The following VWA5B1 variants were observed in gnomAD, a reference collection of about 807,000 sequenced individuals.
VWA5B1 encodes von Willebrand factor A domain containing 5B1, also known as von Willebrand factor A domain-containing protein 5B1.
VWA5B1 carries 115 observed loss-of-function variants against 118.2 expected under a neutral mutation model. That is an observed-to-expected ratio of 0.97 (90% CI 0.84 to 1.14). The LOEUF (loss-of-function observed/expected upper bound fraction) is 1.14, where lower values mean the gene tolerates loss of function less well. Among genes scored for constraint, VWA5B1 ranks in the 50% most tolerant of loss-of-function variants. The pLI is 0.00. For synonymous variants in VWA5B1, 682 were observed against 658.4 expected (o/e 1.04, Z -0.55); for missense variants, 1,596 against 1,603.8 (o/e 1.00, Z 0.08).
At chr1:20,341,114 T>G (rs887736863) in intron 14 of VWA5B1, among the ~76,000 whole-genome samples, 6 of 152,236 alleles carry the variant, frequency 3.9e-5, no homozygotes, top group African/African-American at 1.4e-4. Context: ...CACTTTGGCA[T>G]GAAGAAAGAT....
intron 9 of VWA5B1, among the ~76,000 whole-genome samples, chr1:20,328,840 G>A (rs2089463392): frequency 6.6e-6 from 1 of 152,114 alleles, no homozygotes; most frequent in African/African-American, 2.4e-5. Context: ...AAAATCTCCT[G>A]TGATTATGTC....
At position 20,310,714 on chromosome 1, in the gene VWA5B1, G is replaced by A. The variant is rs1312769878; in HGVS notation, c.113G>A (p.Gly38Asp). Residue 38 changes from glycine (G) to aspartate (D), a missense_variant, in exon 2 of 22, where the codon GGC becomes GAC. Gly to Asp is a moderately conservative substitution (Grantham distance 94). Coordinates refer to ENST00000289815, the MANE Select transcript of VWA5B1 (RefSeq NM_001039500.3). ...GGCCTAACTGCCTCCCTCACCTATGGCAACCTGGAAGCCCAGCCCTTCCAG... is the reference window on the plus strand; with the variant it reads ...GGCCTAACTGCCTCCCTCACCTATGACAACCTGGAAGCCCAGCCCTTCCAG... ...ALGLTASLTY[G>D]NLEAQPFQGL... The A allele has an allele frequency of 1.9e-6, 3 of 1,549,848 alleles. No individual in the cohort carries two copies. The highest frequency in any genetic ancestry group is 1.7e-6 in the Non-Finnish European group (2 of 1,146,384).
In VWA5B1 at chr1:20,356,065, A is replaced by G. The variant is rs983219018; in HGVS notation, c.*1802A>G. On this transcript the variant is annotated 3_prime_UTR_variant, in exon 22 of 22. Coordinates refer to ENST00000289815, the MANE Select transcript of VWA5B1 (RefSeq NM_001039500.3). ...TTGGGTTGTCTTGCTCCAGGCTTCC[A>G]GGAGATGTGAGCGGAGCTTTGTCAT... 1.3e-5 allele frequency among the ~76,000 whole-genome samples: 2 copies of G among 152,230 alleles called. No homozygotes were observed. The highest frequency in any genetic ancestry group is 2.9e-5 in the Non-Finnish European group (2 of 68,042).
Position 20,314,450 on chromosome 1 carries a change from G to A in VWA5B1, c.421G>A (p.Val141Ile). 2.6e-6 allele frequency: 4 copies of A among 1,551,836 alleles called. No individual in the cohort carries two copies. The South Asian group carries it at 4.8e-5, about 18-fold the overall frequency. ...NLGTIAPMEN[V>I]TIFISTSSEL... Reference sequence around the variant, plus strand: ...GGGGACCATTGCCCCCATGGAGAATGTCACCATCTTCATCAGCACCTCCTC... The same window carrying A: ...GGGGACCATTGCCCCCATGGAGAATATCACCATCTTCATCAGCACCTCCTC... The change falls in exon 4 of 22, where the codon GTC becomes ATC. Residue 141 changes from valine to isoleucine, a missense_variant. By Grantham distance (29) the Val-to-Ile change is conservative. Coordinates refer to ENST00000289815, the MANE Select transcript of VWA5B1 (RefSeq NM_001039500.3).
In VWA5B1 at chr1:20,324,336, C is replaced by T. The variant is rs188503117; in HGVS notation, c.1143+804C>T. On this transcript the variant is annotated intron_variant, in intron 8 of 21. Coordinates refer to ENST00000289815, the MANE Select transcript of VWA5B1 (RefSeq NM_001039500.3). ...GGGTGGAAGCAATGGTGATAGAATCCTCCCCCCTCACAATCCAGATGCATT... is the reference window on the plus strand; with the variant it reads ...GGGTGGAAGCAATGGTGATAGAATCTTCCCCCCTCACAATCCAGATGCATT... Among the ~76,000 whole-genome samples, 622 of 152,252 alleles carry T rather than the reference C, an allele frequency of 4.1e-3. 5 individuals are homozygous for T. The highest frequency in any genetic ancestry group is 6.6e-3 in the Non-Finnish European group (447 of 68,006).
At chr1:20,302,489 C>T (rs945950268) in intron 1 of VWA5B1, among the ~76,000 whole-genome samples, 25 of 152,214 alleles carry the variant, frequency 1.6e-4, no homozygotes, top group Admixed American at 8.5e-4. Context: ...GAGACAGAGT[C>T]TCCTGCCTCA....
intron 7 of VWA5B1, among the ~76,000 whole-genome samples, chr1:20,321,861 G>A (rs893483364): frequency 5.9e-5 from 9 of 152,148 alleles, no homozygotes; most frequent in Non-Finnish European, 1.3e-4. Flanking sequence ...GGGTAGAGAG[G>A]AGGTGGACAG....
rs1050454222 is a variant in VWA5B1 at position 20,318,812 on chromosome 1, C to T, written c.841+91C>T. 1.1e-5 allele frequency: 16 copies of T among 1,406,100 alleles called. No homozygotes were observed. The East Asian group carries it at 2.9e-4, about 26-fold the overall frequency. The allele number at this position is 1,406,100 out of a possible 1,614,324, so 87.1% of individuals were successfully genotyped here. On this transcript the variant is annotated intron_variant, in intron 6 of 21. Transcript: ENST00000289815. ...ACAGAACATGTGGCCCCCCGCCCAGCAGCTAGCTAGCCAGGGAAAGAGTCG... is the reference window on the plus strand; with the variant it reads ...ACAGAACATGTGGCCCCCCGCCCAGTAGCTAGCTAGCCAGGGAAAGAGTCG...
At chr1:20,342,404 C>CT in intron 14 of VWA5B1, 28 bp from the exon 15 acceptor site, 1 of 1,547,462 alleles carries the variant, frequency 6.5e-7, no homozygotes, top group Non-Finnish European at 8.7e-7. Context: ...TCCTCCTCCT[C>CT]TTTCTCTTTC....
chr1:20,302,625 G>GT (rs1192751459), intron 1 of VWA5B1, among the ~76,000 whole-genome samples: 1 of 152,192 alleles, frequency 6.6e-6, no homozygotes, highest in Non-Finnish European at 1.5e-5. Context: ...CACAGAGCAG[G>GT]TCCTCCATAT....
At position 20,343,883 on chromosome 1, in the gene VWA5B1, C is replaced by T. The variant is rs539763066; in HGVS notation, c.2626+490C>T. 9.0e-5 allele frequency among the ~76,000 whole-genome samples: 10 copies of T among 111,670 alleles called. No homozygotes were observed. In the East Asian group the frequency reaches 2.6e-3, roughly 28 times the overall value. The allele number at this position is 111,670 out of a possible 152,430, so 73.3% of individuals were successfully genotyped here. A position where few individuals can be genotyped will look rare whatever the true frequency, so the allele number is the denominator to read the frequency against. On this transcript the variant is annotated intron_variant, in intron 16 of 21. Coordinates refer to ENST00000289815, the MANE Select transcript of VWA5B1 (RefSeq NM_001039500.3). ...CTCTCCGGCCTCCAGGCTCCGCCCC[C>T]TCCCCATTCTGCTCAGTGCCTGGGC... is the stretch of plus-strand genomic sequence containing the variant.
chr1:20,327,638 T>TGAC (rs199704001), intron 8 of VWA5B1, among the ~76,000 whole-genome samples: 9,371 of 150,484 alleles, frequency 0.062, 363 homozygotes, highest in Admixed American at 0.091. Context: ...TTGATGATGA[T>TGAC]GACGACGACG....
chr1:20,326,146 G>A (rs929825438), intron 8 of VWA5B1, among the ~76,000 whole-genome samples: 2 of 152,176 alleles, frequency 1.3e-5, no homozygotes, highest in Non-Finnish European at 2.9e-5. Flanking sequence ...CTTTTGTAGA[G>A]AAACCAAATG....
chr1:20,320,460 G>A (rs963505922), intron 7 of VWA5B1, among the ~76,000 whole-genome samples: 1 of 152,228 alleles, frequency 6.6e-6, no homozygotes, highest in African/African-American at 2.4e-5. Flanking sequence ...GGGATAAGAA[G>A]CTGGAGCCCG....
At chr1:20,292,833 G>T (rs2088337577) in intron 1 of VWA5B1, among the ~76,000 whole-genome samples, 2 of 152,196 alleles carry the variant, frequency 1.3e-5, no homozygotes, top group Non-Finnish European at 2.9e-5. Context: ...ATGGTGCAGG[G>T]CTGGTGGTCA....
rs901477635 is a variant in VWA5B1 at position 20,312,905 on chromosome 1, T to A, written c.209T>A (p.Val70Asp). ...IGFEAVIADR[V>D]VTVQIKDKAK... ...TTTGAGGCAGTCATTGCCGACCGTG[T>A]CGTGACAGTACAGATCAAGGACAAA... The change falls in exon 3 of 22, where the codon GTC becomes GAC. Residue 70 changes from valine to aspartate, a missense_variant. Transcript: ENST00000289815. The A allele has an allele frequency of 3.9e-6, 6 of 1,551,528 alleles. No homozygotes were observed. The highest frequency in any genetic ancestry group is 5.2e-6 in the Non-Finnish European group (6 of 1,146,992).
At chr1:20,328,819 A>AT (rs893427677) in intron 9 of VWA5B1, among the ~76,000 whole-genome samples, 4 of 152,046 alleles carry the variant, frequency 2.6e-5, no homozygotes, top group Non-Finnish European at 5.9e-5. Flanking sequence ...TCAAAAACAA[A>AT]TTTTTTTTAA....
chr1:20,324,327 G>A (rs2089311449), intron 8 of VWA5B1, among the ~76,000 whole-genome samples: 1 of 152,124 alleles, frequency 6.6e-6, no homozygotes. Context: ...AAGCAATGGT[G>A]ATAGAATCCT....
chr1:20,340,955 G>A (rs902423522), intron 14 of VWA5B1, among the ~76,000 whole-genome samples: 1 of 152,086 alleles, frequency 6.6e-6, no homozygotes, highest in Non-Finnish European at 1.5e-5. Flanking sequence ...ACAGTGCAAG[G>A]TATTTATTTA....
Sources: gnomAD v4.1 joint callset for allele counts (sites outside exome capture counted in the v4.1 genomes callset) on GRCh38, gnomAD v4.1.1 for gene constraint, MANE v1.5 for transcripts, NCBI Gene and HGNC (gene_info 2026-07-23, HGNC 2026-07-21) for gene names.